SDK1: variants seen among roughly 807,000 people sequenced by gnomAD.
SDK1 encodes sidekick cell adhesion molecule 1, also known as protein sidekick-1.
Under a neutral mutation model 245.5 loss-of-function variants are expected in SDK1, and 157 were observed. That is an observed-to-expected ratio of 0.64 (90% CI 0.56 to 0.73). The LOEUF (loss-of-function observed/expected upper bound fraction) is 0.73, where lower values mean the gene tolerates loss of function less well. Among genes scored for constraint, SDK1 ranks in the 30% least tolerant of loss-of-function variants. SDK1 has a pLI of 0.00. For synonymous variants in SDK1, 1,647 were observed against 1,278.5 expected, an observed-to-expected ratio of 1.29 and a Z score of -6.15; for missense variants, 3,583 against 3,002.3, an observed-to-expected ratio of 1.19 and a Z score of -4.52.
intron 14 of SDK1, among the ~76,000 whole-genome samples, chr7:4,009,619 A>G (rs1260519281): frequency 6.6e-6 from 1 of 152,280 alleles, no homozygotes; most frequent in Non-Finnish European, 1.5e-5. Context: ...CTGGTGGCGA[A>G]GACTGCGTTC....
At position 4,077,183 on chromosome 7, in the gene SDK1, C is replaced by T. The variant is rs1780739265; in HGVS notation, c.3196C>T (p.Pro1066Ser). Reference protein sequence around the residue: ...VTSSTISSGVPPDLPGAPSNL... With the variant: ...VTSSTISSGVSPDLPGAPSNL... ...TTCATCCACCATTTCTTCTGGAGTG[C>T]CCCCAGGTCAGTAGAATCGTGTGCG... The change falls in exon 21 of 45, where the codon CCC (proline) becomes TCC (serine). Residue 1066 changes from proline (P) to serine (S), a missense_variant. Pro to Ser is a moderately conservative substitution (Grantham distance 74). Coordinates refer to ENST00000404826, the MANE Select transcript of SDK1 (RefSeq NM_152744.4). 1 of 1,613,820 alleles carries T rather than the reference C, an allele frequency of 6.2e-7. No homozygotes were observed. The highest frequency in any genetic ancestry group is 8.5e-7 in the Non-Finnish European group (1 of 1,179,802).
At chr7:3,797,670 A>G (rs536498415) in intron 4 of SDK1, among the ~76,000 whole-genome samples, 29 of 152,164 alleles carry the variant, frequency 1.9e-4, no homozygotes, top group Admixed American at 4.6e-4. Context: ...AAGTTTTTCC[A>G]CAATTTCTTT....
chr7:3,561,522 A>C (rs1779750147), intron 1 of SDK1, among the ~76,000 whole-genome samples: 2 of 152,054 alleles, frequency 1.3e-5, no homozygotes, highest in Non-Finnish European at 2.9e-5. Context: ...TGGGTAGGCC[A>C]CCCCTAAGGT....
rs1309977390 is a variant in SDK1, at chr7:4,147,848, A to G, written c.4424-1414A>G. 2.0e-5 allele frequency among the ~76,000 whole-genome samples: 3 copies of G among 152,158 alleles called. No homozygotes were observed. In the East Asian group the frequency reaches 5.8e-4, roughly 29 times the overall value. On this transcript the variant is annotated intron_variant, in intron 29 of 44. Transcript: ENST00000404826. ...TTCTCTAATGTATTTGTGTGGTTTT[A>G]TGGTTCATTTATCTTAAACATTGAC...
chr7:3,384,620 G>A (rs1199825916), intron 1 of SDK1, among the ~76,000 whole-genome samples: 2 of 152,152 alleles, frequency 1.3e-5, no homozygotes, highest in African/African-American at 2.4e-5. Context: ...GCTGATTTGT[G>A]TTCTACACAA....
chr7:3,647,996 A>C (rs1345786686), intron 4 of SDK1, among the ~76,000 whole-genome samples: 2 of 152,256 alleles, frequency 1.3e-5, no homozygotes, highest in Non-Finnish European at 1.5e-5. Flanking sequence ...GAATTTGAAT[A>C]GGTAATTACA....
intron 19 of SDK1, among the ~76,000 whole-genome samples, chr7:4,057,571 G>T (rs1029061724): frequency 6.6e-6 from 1 of 151,696 alleles, no homozygotes; most frequent in African/African-American, 2.4e-5. Flanking sequence ...CACCTGCTTG[G>T]CCCCCTGCAG....
At chr7:3,411,209 T>A (rs1047665236) in intron 1 of SDK1, among the ~76,000 whole-genome samples, 4 of 151,920 alleles carry the variant, frequency 2.6e-5, no homozygotes, top group Non-Finnish European at 5.9e-5. Flanking sequence ...AGAGGAAGAA[T>A]CATGTAGTTT....
At chr7:4,152,561 A>C (rs1032574456) in intron 30 of SDK1, among the ~76,000 whole-genome samples, 39 of 152,312 alleles carry the variant, frequency 2.6e-4, no homozygotes, top group African/African-American at 9.1e-4. Flanking sequence ...TCATGCTGGC[A>C]AGGAGAGGTC....
chr7:3,996,155 ATAATC>A (rs1562640214), intron 14 of SDK1, among the ~76,000 whole-genome samples: 1 of 152,136 alleles, frequency 6.6e-6, no homozygotes, highest in Non-Finnish European at 1.5e-5. Flanking sequence ...GATTTATTAA[ATAATC>A]TATTTATTTA....
intron 4 of SDK1, among the ~76,000 whole-genome samples, chr7:3,814,145 T>G (rs1253451480): frequency 3.4e-5 from 5 of 148,500 alleles, no homozygotes; most frequent in South Asian, 2.2e-4. Context: ...TTTTGGCTTT[T>G]GTTGCCATTG....
chr7:3,823,340 A>G (rs1473216024), intron 5 of SDK1, among the ~76,000 whole-genome samples: 1 of 152,220 alleles, frequency 6.6e-6, no homozygotes, highest in Non-Finnish European at 1.5e-5. Flanking sequence ...AACTACCAGG[A>G]TAATAATGAG....
chr7:4,188,554 T>C (rs1183340456), intron 35 of SDK1, among the ~76,000 whole-genome samples: 2 of 152,148 alleles, frequency 1.3e-5, no homozygotes, highest in Non-Finnish European at 2.9e-5. Context: ...TGTGTTTAAG[T>C]GGTTGTGTGC....
chr7:3,561,738 C>G (rs978844107), intron 1 of SDK1, among the ~76,000 whole-genome samples: 2 of 152,182 alleles, frequency 1.3e-5, no homozygotes, highest in Admixed American at 6.5e-5. Context: ...AAAGGCCAGG[C>G]TACAAAGAGC....
intron 1 of SDK1, among the ~76,000 whole-genome samples, chr7:3,494,767 A>G (rs1781972116): frequency 6.6e-6 from 1 of 152,196 alleles, no homozygotes; most frequent in Non-Finnish European, 1.5e-5. Context: ...GTTTTGGCTA[A>G]TTAGGTCACC....
intron 4 of SDK1, among the ~76,000 whole-genome samples, chr7:3,772,835 C>G (rs936729144): frequency 6.6e-6 from 1 of 152,116 alleles, no homozygotes; most frequent in Non-Finnish European, 1.5e-5. Context: ...TCCCATTTTC[C>G]TAGCTGTAGG....
chr7:3,637,043 T>C (rs915629085), intron 2 of SDK1, among the ~76,000 whole-genome samples: 6 of 150,800 alleles, frequency 4.0e-5, no homozygotes, highest in African/African-American at 1.5e-4. Flanking sequence ...TAAGCTTTTT[T>C]TTCCTGATGC....
At chr7:3,905,415 C>T (rs1199088404) in intron 5 of SDK1, among the ~76,000 whole-genome samples, 1 of 152,154 alleles carries the variant, frequency 6.6e-6, no homozygotes, top group East Asian at 1.9e-4. Context: ...AATCCTTTGA[C>T]ACTTTTGTTA....
At chr7:3,654,026 A>C (rs1423679281) in intron 4 of SDK1, among the ~76,000 whole-genome samples, 1 of 152,074 alleles carries the variant, frequency 6.6e-6, no homozygotes, top group African/African-American at 2.4e-5. Flanking sequence ...CAGGTAAAAA[A>C]CGTTCATCTT....
Sources: allele counts gnomAD v4.1 joint callset (sites outside exome capture counted in the v4.1 genomes callset), GRCh38; gene constraint gnomAD v4.1.1; transcripts MANE v1.5; gene names NCBI Gene and HGNC (gene_info 2026-07-23, HGNC 2026-07-21).